The following ZNF667 variants were observed in gnomAD, a reference collection of about 807,000 sequenced individuals.
ZNF667 encodes myocardial ischemic preconditioning upregulated 1 ortholog.
Under a neutral mutation model 31.8 loss-of-function variants are expected in ZNF667, and 13 were observed. The ratio of observed to expected loss-of-function variants is 0.41; its 90% CI spans 0.27 to 0.65. The LOEUF is 0.65. Among genes scored for constraint, ZNF667 ranks in the 30% least tolerant of loss-of-function variants. The pLI is 0.32. For missense variants in ZNF667, 642 were observed against 725.6 expected, an observed-to-expected ratio of 0.88 and a Z score of 1.32; for synonymous variants, 228 against 247.1, an observed-to-expected ratio of 0.92 and a Z score of 0.73.
intron 5 of ZNF667, among the ~76,000 whole-genome samples, chr19:56,458,996 G>GT (rs2042990444): frequency 6.6e-6 from 1 of 152,158 alleles, no homozygotes; most frequent in Non-Finnish European, 1.5e-5. Context: ...GTAGGGGACA[G>GT]TCCTGTGGGA....
chr19:56,448,941 A>C (rs1171171508), intron 6 of ZNF667, among the ~76,000 whole-genome samples: 2 of 151,924 alleles, frequency 1.3e-5, no homozygotes, highest in African/African-American at 2.4e-5. Flanking sequence ...CCCTTCCCCA[A>C]CTCTAGGCAG....
intron 6 of ZNF667, among the ~76,000 whole-genome samples, chr19:56,454,086 T>G (rs1309037236): frequency 6.6e-6 from 1 of 152,130 alleles, no homozygotes; most frequent in African/African-American, 2.4e-5. Context: ...CCATTTACAA[T>G]AGCTACAAAT....
chr19:56,470,645 C>T (rs1020860601), intron 3 of ZNF667, among the ~76,000 whole-genome samples: 1 of 152,128 alleles, frequency 6.6e-6, no homozygotes, highest in South Asian at 2.1e-4. Context: ...TGAAATGCTT[C>T]CGGAAAACAT....
At chr19:56,469,976 C>CA in intron 3 of ZNF667, 1 of 480,766 alleles carries the variant, frequency 2.1e-6, no homozygotes, top group Non-Finnish European at 4.2e-6. Flanking sequence ...ACAGCGGAAA[C>CA]ACATTCCATT....
At position 56,443,149 on chromosome 19, in the gene ZNF667, T is replaced by G. The variant is rs2042652566; in HGVS notation, c.254-408A>C. On this transcript the variant is annotated intron_variant, in intron 6 of 6. Transcript: ENST00000504904. ...AACTGAAAATGGACATGAAGAATCTTACAGGGGTGATAAAAATGTTCTAAT... is the reference window on the plus strand; with the variant it reads ...AACTGAAAATGGACATGAAGAATCTGACAGGGGTGATAAAAATGTTCTAAT... 2.0e-5 allele frequency among the ~76,000 whole-genome samples: 3 copies of G among 152,274 alleles called. No individual in the cohort carries two copies. In the South Asian group the frequency reaches 6.2e-4, roughly 32 times the overall value.
At chr19:56,467,890 C>G (rs2043197451) in intron 3 of ZNF667, 1 of 152,232 alleles carries the variant, frequency 6.6e-6, no homozygotes, top group South Asian at 2.1e-4. Flanking sequence ...TCTTCAAACC[C>G]TGTCCTTCTG....
chr19:56,449,599 T>C, intron 6 of ZNF667: 1 of 203,826 alleles, frequency 4.9e-6, no homozygotes, highest in Non-Finnish European at 1.0e-5. Context: ...CGAGAATTGC[T>C]TGAACCCAGG....
chr19:56,447,335 GA>G (rs1283802336), intron 6 of ZNF667, among the ~76,000 whole-genome samples: 1 of 152,024 alleles, frequency 6.6e-6, no homozygotes, highest in East Asian at 1.9e-4. Flanking sequence ...GAAAGATCAC[GA>G]AAAAACAATT....
chr19:56,452,579 A>G (rs1263045840), intron 6 of ZNF667, among the ~76,000 whole-genome samples: 1 of 152,086 alleles, frequency 6.6e-6, no homozygotes, highest in Non-Finnish European at 1.5e-5. Context: ...GCAGAAAAAA[A>G]GAAATAGTAA....
intron 4 of ZNF667, among the ~76,000 whole-genome samples, chr19:56,461,236 T>C (rs2043038790): frequency 6.6e-6 from 1 of 152,260 alleles, no homozygotes; most frequent in Non-Finnish European, 1.5e-5. Context: ...ATGGAGAAGC[T>C]AGTGTTCAGC....
intron 6 of ZNF667, among the ~76,000 whole-genome samples, chr19:56,457,668 C>T (rs1026166369): frequency 1.3e-5 from 2 of 152,178 alleles, no homozygotes; most frequent in African/African-American, 2.4e-5. Context: ...AGGCCTGGAG[C>T]CTTCAGTGGG....
chr19:56,469,678 G>A (rs1418656670), intron 3 of ZNF667, among the ~76,000 whole-genome samples: 3 of 152,050 alleles, frequency 2.0e-5, no homozygotes, highest in Non-Finnish European at 4.4e-5. Context: ...CACCCTTCAC[G>A]GCTGGTTCAG....
chr19:56,471,232 G>A (rs996572440), intron 3 of ZNF667, among the ~76,000 whole-genome samples: 1 of 152,002 alleles, frequency 6.6e-6, no homozygotes, highest in African/African-American at 2.4e-5. Context: ...ATGAGTAAAA[G>A]TTTCCTGATG....
chr19:56,462,508 GAC>G, intron 3 of ZNF667, 79 bp from the exon 4 acceptor site: 1 of 855,704 alleles, frequency 1.2e-6, no homozygotes. Flanking sequence ...CACACACACA[GAC>G]ACACATGCAC....
At chr19:56,444,030 AC>A (rs1438143145) in intron 6 of ZNF667, 2 of 385,312 alleles carry the variant, frequency 5.2e-6, no homozygotes, top group Admixed American at 9.0e-5. Flanking sequence ...AAAATTTACT[AC>A]AAAAAAGTAT....
chr19:56,458,294 C>T, intron 5 of ZNF667, 47 bp from the exon 6 acceptor site: 11 of 1,559,076 alleles, frequency 7.1e-6, no homozygotes, highest in Non-Finnish European at 9.7e-6. Context: ...GTGGGCACCA[C>T]AGAAGTCAGA....
At position 56,440,160 on chromosome 19, in the gene ZNF667, T is replaced by C. The variant is rs1288755556; in HGVS notation, c.*1002A>G. 1 of 152,240 alleles carries C rather than the reference T, an allele frequency of 6.6e-6. No individual in the cohort carries two copies. Among genetic ancestry groups the C allele is most frequent in the Non-Finnish European group, 1.5e-5 (1 of 68,036 alleles). 9.4% of individuals were successfully genotyped at this position (152,240 alleles called of 1,614,324 possible). On this transcript the variant is annotated 3_prime_UTR_variant, in exon 7 of 7. Transcript: ENST00000504904. ...TTACACCACTTATTGCATACCAGTA[T>C]TGTTACATGAAAATACCAATGTTTA...
At chr19:56,468,053 A>C (rs1016717315) in intron 3 of ZNF667, 2 of 151,988 alleles carry the variant, frequency 1.3e-5, no homozygotes, top group African/African-American at 4.8e-5. Flanking sequence ...CTGGTGACCA[A>C]CCCTATCCTG....
chr19:56,476,215 C>A (rs553213486), intron 1 of ZNF667, among the ~76,000 whole-genome samples: 1 of 152,278 alleles, frequency 6.6e-6, no homozygotes, highest in South Asian at 2.1e-4. Flanking sequence ...AGTCCATGCT[C>A]TTATTTTTCC....
Sources: allele counts gnomAD v4.1 joint callset (sites outside exome capture counted in the v4.1 genomes callset), GRCh38; gene constraint gnomAD v4.1.1; transcripts MANE v1.5; gene names NCBI Gene and HGNC (gene_info 2026-07-23, HGNC 2026-07-21).